The following GRIN3A variants were observed in gnomAD, a reference collection of about 807,000 sequenced individuals.
GRIN3A encodes the protein glutamate receptor ionotropic, NMDA 3A.
In GRIN3A, 47 loss-of-function variants were observed where a neutral mutation model predicts 92.4. That is an observed-to-expected ratio of 0.51 (90% CI 0.40 to 0.65). The LOEUF (loss-of-function observed/expected upper bound fraction) is 0.65. GRIN3A is among the 30% of genes least tolerant of loss of function. The pLI, the probability that GRIN3A is intolerant of heterozygous loss-of-function variation, is 0.00. For missense variants in GRIN3A, 1,324 were observed against 1,393.1 expected, an observed-to-expected ratio of 0.95 and a Z score of 0.79; for synonymous variants, 527 against 540.6, an observed-to-expected ratio of 0.97 and a Z score of 0.35.
chr9:101,616,076 A>G (rs1017300923), intron 5 of GRIN3A, among the ~76,000 whole-genome samples: 2 of 152,230 alleles, frequency 1.3e-5, no homozygotes, highest in African/African-American at 4.8e-5. Context: ...CACCTTGGTC[A>G]CTGCTAAGTC....
At chr9:101,687,352 T>G in intron 1 of GRIN3A, 152 bp from the exon 2 acceptor site, 1 of 774,084 alleles carries the variant, frequency 1.3e-6, no homozygotes, top group Non-Finnish European at 2.1e-6. Context: ...AAAACTATGC[T>G]TCCTGTCTAA....
chr9:101,615,933 C>T (rs1309569832), intron 5 of GRIN3A, among the ~76,000 whole-genome samples: 1 of 152,230 alleles, frequency 6.6e-6, no homozygotes, highest in East Asian at 1.9e-4. Context: ...TCCTCCTACA[C>T]TTTGTTCTTA....
chr9:101,602,490 A>G (rs79460429), intron 6 of GRIN3A, among the ~76,000 whole-genome samples: 6,066 of 152,286 alleles, frequency 0.04, 165 homozygotes, highest in South Asian at 0.085. Flanking sequence ...TAGTGCATGG[A>G]AGTCTAAAAA....
intron 6 of GRIN3A, among the ~76,000 whole-genome samples, chr9:101,588,642 T>C (rs1014369015): frequency 6.6e-6 from 1 of 152,238 alleles, no homozygotes; most frequent in Non-Finnish European, 1.5e-5. Context: ...ATCCTTGTAC[T>C]ATAAAACAAT....
intron 6 of GRIN3A, among the ~76,000 whole-genome samples, chr9:101,584,194 C>T (rs1025401930): frequency 2.0e-5 from 3 of 152,164 alleles, no homozygotes; most frequent in African/African-American, 7.2e-5. Flanking sequence ...GCATTTATTG[C>T]TCCAGTTGGT....
chr9:101,654,878 C>A (rs1009193233), intron 3 of GRIN3A, among the ~76,000 whole-genome samples: 3 of 151,654 alleles, frequency 2.0e-5, no homozygotes, highest in African/African-American at 4.8e-5. Context: ...TTGGAAATGG[C>A]GGGTAGGGAT....
chr9:101,691,861 C>T (rs1023220594), intron 1 of GRIN3A, among the ~76,000 whole-genome samples: 2 of 152,194 alleles, frequency 1.3e-5, no homozygotes, highest in Non-Finnish European at 2.9e-5. Context: ...ATGATTTATG[C>T]ACCATGTGGC....
At chr9:101,595,206 G>A (rs945669384) in intron 6 of GRIN3A, among the ~76,000 whole-genome samples, 4 of 152,088 alleles carry the variant, frequency 2.6e-5, no homozygotes, top group African/African-American at 9.7e-5. Flanking sequence ...GGGTGCCCGG[G>A]AGAGGCAGAG....
At chr9:101,616,888 TAAAAAAAAAAA>T (rs75080539) in intron 5 of GRIN3A, among the ~76,000 whole-genome samples, 2 of 101,436 alleles carry the variant, frequency 2.0e-5, no homozygotes, top group Admixed American at 2.0e-4. Context: ...ACTTAAAGTA[TAAAAAAAAAAA>T]AAAAAAAAAG....
At chr9:101,621,635 A>G (rs1158515761) in intron 5 of GRIN3A, among the ~76,000 whole-genome samples, 1 of 152,182 alleles carries the variant, frequency 6.6e-6, no homozygotes, top group African/African-American at 2.4e-5. Context: ...GCAAGACACT[A>G]AGTCTCAGGA....
At chr9:101,712,328 T>C (rs941880421) in intron 1 of GRIN3A, among the ~76,000 whole-genome samples, 2 of 152,214 alleles carry the variant, frequency 1.3e-5, no homozygotes, top group Admixed American at 1.3e-4. Context: ...TCTCTCTTAA[T>C]GACTATCACC....
intron 4 of GRIN3A, among the ~76,000 whole-genome samples, chr9:101,626,753 C>T (rs978757055): frequency 1.6e-4 from 24 of 152,226 alleles, no homozygotes; most frequent in African/African-American, 3.9e-4. Flanking sequence ...CAAGGACCTA[C>T]TCTTTCATCA....
At chr9:101,636,238 C>G (rs1828783496) in intron 3 of GRIN3A, among the ~76,000 whole-genome samples, 1 of 152,194 alleles carries the variant, frequency 6.6e-6, no homozygotes, top group African/African-American at 2.4e-5. Flanking sequence ...CATTCCACAT[C>G]CTTTTCGTCC....
chr9:101,616,753 A>C (rs1465863865), intron 5 of GRIN3A, among the ~76,000 whole-genome samples: 1 of 53,566 alleles, frequency 1.9e-5, no homozygotes, highest in Non-Finnish European at 3.2e-5. Context: ...GGGTGGGGGG[A>C]GGGGGGAGGG....
chr9:101,674,308 G>A (rs1165008689), intron 2 of GRIN3A, among the ~76,000 whole-genome samples: 1 of 152,114 alleles, frequency 6.6e-6, no homozygotes, highest in East Asian at 1.9e-4. Flanking sequence ...GAAGGAGGAG[G>A]GGACTGAACA....
chr9:101,630,402 T>C (rs1045481663), intron 3 of GRIN3A, among the ~76,000 whole-genome samples: 3 of 152,318 alleles, frequency 2.0e-5, no homozygotes, highest in Middle Eastern at 3.4e-3. Flanking sequence ...CAAATATTTA[T>C]TTAAGTAATC....
intron 1 of GRIN3A, among the ~76,000 whole-genome samples, chr9:101,691,753 GTCT>G (rs1174787674): frequency 6.6e-6 from 1 of 152,158 alleles, no homozygotes; most frequent in East Asian, 1.9e-4. Flanking sequence ...TGGGGCCACT[GTCT>G]TCTTCAGCAG....
intron 1 of GRIN3A, among the ~76,000 whole-genome samples, chr9:101,719,604 G>A (rs1299449995): frequency 6.6e-6 from 1 of 151,940 alleles, no homozygotes; most frequent in Non-Finnish European, 1.5e-5. Flanking sequence ...ATTCTGCAAG[G>A]AGAACCTAAT....
intron 1 of GRIN3A, among the ~76,000 whole-genome samples, chr9:101,711,230 G>A (rs183551895): frequency 1.3e-4 from 20 of 152,240 alleles, no homozygotes; most frequent in Non-Finnish European, 2.6e-4. Flanking sequence ...CTGGATCATC[G>A]AGCCATGATG....
Sources: gnomAD v4.1 joint callset for allele counts (sites outside exome capture counted in the v4.1 genomes callset) on GRCh38, gnomAD v4.1.1 for gene constraint, MANE v1.5 for transcripts, NCBI Gene and HGNC (gene_info 2026-07-23, HGNC 2026-07-21) for gene names.